The following DENND1A variants were observed in gnomAD, a reference collection of about 807,000 sequenced individuals.
The protein encoded by DENND1A is DENN domain containing 1A.
DENND1A carries 51 observed loss-of-function variants against 113.7 expected under a neutral mutation model. That is an observed-to-expected ratio of 0.45 (90% CI 0.36 to 0.57). DENND1A has a LOEUF of 0.57. DENND1A is among the 20% of genes least tolerant of loss of function. The pLI, the probability that DENND1A is intolerant of heterozygous loss-of-function variation, is 0.00. For missense variants in DENND1A, 1,258 were observed against 1,395.9 expected (o/e 0.90, Z 1.57); for synonymous variants, 565 against 570.8 (o/e 0.99, Z 0.14).
At chr9:123,709,674 T>C (rs1289145548) in intron 5 of DENND1A, among the ~76,000 whole-genome samples, 2 of 152,322 alleles carry the variant, frequency 1.3e-5, no homozygotes, top group Middle Eastern at 3.4e-3. Context: ...CAGGGGCCAA[T>C]TTCAGCAGAC....
chr9:123,901,741 C>A (rs1851661441), intron 1 of DENND1A, among the ~76,000 whole-genome samples: 1 of 152,150 alleles, frequency 6.6e-6, no homozygotes, highest in Non-Finnish European at 1.5e-5. Flanking sequence ...AAGGTGATGT[C>A]TGCCTGTAAT....
intron 5 of DENND1A, among the ~76,000 whole-genome samples, chr9:123,744,719 G>A (rs1463491900): frequency 6.7e-6 from 1 of 149,190 alleles, no homozygotes; most frequent in Non-Finnish European, 1.5e-5. Flanking sequence ...ACTATGTGAT[G>A]TGGTGAGATG....
intron 2 of DENND1A, among the ~76,000 whole-genome samples, chr9:123,852,909 TTTTTTTC>T (rs1359797862): frequency 6.6e-6 from 1 of 151,990 alleles, no homozygotes; most frequent in Non-Finnish European, 1.5e-5. Context: ...TTCTTTCTTT[TTTTTTTC>T]TTTTTTTCTT....
chr9:123,472,852 G>A (rs1292383523), intron 13 of DENND1A, among the ~76,000 whole-genome samples: 1 of 152,188 alleles, frequency 6.6e-6, no homozygotes, highest in Non-Finnish European at 1.5e-5. Context: ...TCCTGCCTTT[G>A]TGTGTGCTGG....
chr9:123,823,612 G>A (rs1838849544), intron 2 of DENND1A, among the ~76,000 whole-genome samples: 3 of 152,206 alleles, frequency 2.0e-5, no homozygotes, highest in South Asian at 4.1e-4. Context: ...GATCCCATGT[G>A]TCTTCCAAAC....
At chr9:123,700,178 G>T (rs1008850600) in intron 5 of DENND1A, among the ~76,000 whole-genome samples, 1 of 152,162 alleles carries the variant, frequency 6.6e-6, no homozygotes, top group African/African-American at 2.4e-5. Context: ...CAGGTAATAT[G>T]TGTCCTCCAA....
chr9:123,809,188 TC>T (rs1836128325), intron 2 of DENND1A, among the ~76,000 whole-genome samples: 1 of 152,206 alleles, frequency 6.6e-6, no homozygotes, highest in Non-Finnish European at 1.5e-5. Flanking sequence ...TGCATGTTCC[TC>T]CGAGTACTTA....
At chr9:123,871,239 T>C (rs1846554998) in intron 2 of DENND1A, among the ~76,000 whole-genome samples, 1 of 152,048 alleles carries the variant, frequency 6.6e-6, no homozygotes, top group African/African-American at 2.4e-5. Flanking sequence ...TGCACCACCA[T>C]ACCCAGCTAT....
chr9:123,407,157 G>A (rs943699795), intron 20 of DENND1A, among the ~76,000 whole-genome samples: 4 of 147,738 alleles, frequency 2.7e-5, no homozygotes, highest in African/African-American at 9.8e-5. Flanking sequence ...ACAGAGCAGG[G>A]GGGGAGGGGC....
At chr9:123,403,295 C>T in intron 21 of DENND1A, 107 bp downstream of exon 21, 2 of 1,117,370 alleles carry the variant, frequency 1.8e-6, no homozygotes, top group Non-Finnish European at 2.6e-6. Flanking sequence ...CGCTGGGAGC[C>T]CCGGGGAAGC....
At chr9:123,575,594 G>A (rs1303111726) in intron 12 of DENND1A, among the ~76,000 whole-genome samples, 1 of 152,166 alleles carries the variant, frequency 6.6e-6, no homozygotes, top group African/African-American at 2.4e-5. Context: ...TTGATCGTTT[G>A]GTTAAGGTAG....
chr9:123,651,936 T>C, intron 9 of DENND1A, 77 bp downstream of exon 9: 1 of 1,330,588 alleles, frequency 7.5e-7, no homozygotes, highest in South Asian at 1.4e-5. Context: ...TTTTCTAAAA[T>C]TTTCTTTCAT....
intron 22 of DENND1A, 94 bp downstream of exon 22, chr9:123,387,636 A>T: frequency 5.3e-6 from 5 of 937,870 alleles, no homozygotes; most frequent in Non-Finnish European, 7.4e-6. Context: ...TCCCCCCGAC[A>T]CAAAGGCAAG....
At chr9:123,622,983 A>G (rs773523229) in intron 10 of DENND1A, among the ~76,000 whole-genome samples, 9 of 152,246 alleles carry the variant, frequency 5.9e-5, no homozygotes, top group Non-Finnish European at 1.2e-4. Flanking sequence ...ACAGATCTAA[A>G]GTAGAAAGGA....
At chr9:123,402,838 T>C (rs1466991706) in intron 21 of DENND1A, among the ~76,000 whole-genome samples, 1 of 152,234 alleles carries the variant, frequency 6.6e-6, no homozygotes, top group Admixed American at 6.5e-5. Flanking sequence ...CCACGCCTCC[T>C]GAGCAGGTGA....
chr9:123,707,272 T>C (rs1277635884), intron 5 of DENND1A, among the ~76,000 whole-genome samples: 1 of 151,868 alleles, frequency 6.6e-6, no homozygotes, highest in Non-Finnish European at 1.5e-5. Context: ...CGCATGCCTG[T>C]AATCCCAGCT....
chr9:123,624,640 C>T (rs1002340906), intron 10 of DENND1A, among the ~76,000 whole-genome samples: 1 of 152,170 alleles, frequency 6.6e-6, no homozygotes, highest in Non-Finnish European at 1.5e-5. Flanking sequence ...ACTCAGGCAC[C>T]AGTAAATACA....
chr9:123,869,491 T>C (rs575158732), intron 2 of DENND1A, among the ~76,000 whole-genome samples: 3 of 152,334 alleles, frequency 2.0e-5, no homozygotes, highest in Non-Finnish European at 4.4e-5. Context: ...TAGTGATATC[T>C]TGAGTAAAGC....
intron 8 of DENND1A, among the ~76,000 whole-genome samples, chr9:123,653,441 T>C (rs1423614483): frequency 1.3e-5 from 2 of 152,204 alleles, no homozygotes; most frequent in African/African-American, 4.8e-5. Flanking sequence ...GCCTATACGC[T>C]TTCCCGTACA....
Sources: gnomAD v4.1 joint callset for allele counts (sites outside exome capture counted in the v4.1 genomes callset) on GRCh38, gnomAD v4.1.1 for gene constraint, MANE v1.5 for transcripts, NCBI Gene and HGNC (gene_info 2026-07-23, HGNC 2026-07-21) for gene names.